The following PALM2AKAP2 variants were observed in gnomAD, a reference collection of about 807,000 sequenced individuals.
The protein encoded by PALM2AKAP2 is PALM2-AKAP2 fusion protein.
PALM2AKAP2 carries 37 observed loss-of-function variants against 71.5 expected under a neutral mutation model. That is an observed-to-expected ratio of 0.52 (90% confidence interval 0.40 to 0.68). The LOEUF is 0.68. Ranked by LOEUF, PALM2AKAP2 falls within the 30% of genes least tolerant of loss-of-function variation. PALM2AKAP2 has a pLI of 0.00. For missense variants in PALM2AKAP2, 1,224 were observed against 1,191.8 expected (o/e 1.03, Z -0.40); for synonymous variants, 468 against 478.8 (o/e 0.98, Z 0.29).
intron 1 of PALM2AKAP2, among the ~76,000 whole-genome samples, chr9:110,081,533 G>A (rs1159783888): frequency 6.6e-6 from 1 of 152,124 alleles, no homozygotes; most frequent in African/African-American, 2.4e-5. Context: ...AGGGTGTGGT[G>A]TTTTGTTTAC....
chr9:109,966,359 C>G (rs1831948827), intron 6 of PALM2AKAP2, among the ~76,000 whole-genome samples: 1 of 152,176 alleles, frequency 6.6e-6, no homozygotes, highest in Non-Finnish European at 1.5e-5. Context: ...GAAGAGGTGG[C>G]AAAGTGTTAA....
chr9:110,156,396 G>A (rs1274613718), exon 3 of PALM2AKAP2: 1 of 1,612,818 alleles, frequency 6.2e-7, no homozygotes, highest in African/African-American at 1.3e-5. Flanking sequence ...AGCCCCTGAA[G>A]AGGCTGCCGG....
At chr9:109,698,371 G>A (rs1306394546) in intron 1 of PALM2AKAP2, among the ~76,000 whole-genome samples, 1 of 149,782 alleles carries the variant, frequency 6.7e-6, no homozygotes, top group African/African-American at 2.5e-5. Flanking sequence ...TCCGCCTCTC[G>A]GGTTCAAGCG....
chr9:110,006,932 T>G (rs144874562), intron 6 of PALM2AKAP2, among the ~76,000 whole-genome samples: 1 of 152,292 alleles, frequency 6.6e-6, no homozygotes, highest in African/African-American at 2.4e-5. Flanking sequence ...CTTGGTTCAT[T>G]AACTCCAAGC....
chr9:110,003,763 G>A (rs575062834), intron 6 of PALM2AKAP2, among the ~76,000 whole-genome samples: 1 of 152,282 alleles, frequency 6.6e-6, no homozygotes, highest in Non-Finnish European at 1.5e-5. Flanking sequence ...TTGCTGAATT[G>A]ATCCCTTTAC....
chr9:109,960,056 CG>C (rs1831825203), intron 6 of PALM2AKAP2, among the ~76,000 whole-genome samples: 1 of 152,188 alleles, frequency 6.6e-6, no homozygotes, highest in African/African-American at 2.4e-5. Context: ...CCCCCCTCCG[CG>C]AAACCTTAGT....
rs547936043 is a variant in PALM2AKAP2, at chr9:110,109,273, C to T, written c.157-26854C>T. On this transcript the variant is annotated intron_variant, in intron 1 of 3. Coordinates refer to ENST00000374525, the Ensembl canonical transcript of PALM2AKAP2. ...TGGAGGTTGCGGTGAGCCGAGATCT[C>T]GCCATTGTACTCCAGCCTGGGCAAC... Among the ~76,000 whole-genome samples the T allele has an allele frequency of 7.2e-5, 10 of 139,780 alleles. No individual in the cohort carries two copies. In the East Asian group the frequency reaches 1.3e-3, roughly 18 times the overall value. The allele number at this position is 139,780 out of a possible 152,430, so 91.7% of individuals were successfully genotyped here.
At chr9:109,777,390 G>A (rs1447418518), upstream of PALM2AKAP2, among the ~76,000 whole-genome samples, 1 of 152,096 alleles carries the variant, frequency 6.6e-6, no homozygotes, top group Non-Finnish European at 1.5e-5. Context: ...TAATTTCCCT[G>A]TTGTCTAATT....
Position 110,159,740 on chromosome 9 carries a change from C to T in PALM2AKAP2, c.2748+3243C>T, listed in dbSNP as rs529011456. On this transcript the variant is annotated intron_variant, in intron 3 of 3. Coordinates refer to ENST00000374525, the Ensembl canonical transcript of PALM2AKAP2. Reference sequence around the variant, plus strand: ...AACAAGTTCAGTGTCCCCCGAGCCCCCATCAGGGGTGTGGTGGCCTCTGGG... The same window carrying T: ...AACAAGTTCAGTGTCCCCCGAGCCCTCATCAGGGGTGTGGTGGCCTCTGGG... Among the ~76,000 whole-genome samples, 66 of 152,292 alleles carry T rather than the reference C, an allele frequency of 4.3e-4. 2 individuals are homozygous for T. The highest frequency in any genetic ancestry group is 1.4e-3 in the African/African-American group (60 of 41,568).
intron 6 of PALM2AKAP2, among the ~76,000 whole-genome samples, chr9:109,996,828 T>C (rs1222112088): frequency 1.3e-5 from 2 of 152,198 alleles, no homozygotes; most frequent in Admixed American, 1.3e-4. Flanking sequence ...GTGTGTGGGT[T>C]GGCATGCGTA....
intron 1 of PALM2AKAP2, among the ~76,000 whole-genome samples, chr9:109,798,598 A>G (rs1827331070): frequency 6.6e-6 from 1 of 152,228 alleles, no homozygotes. Flanking sequence ...CTAGCCAGTT[A>G]AAAACATTGG....
At chr9:109,916,047 G>A (rs996331512) in intron 3 of PALM2AKAP2, among the ~76,000 whole-genome samples, 1 of 151,946 alleles carries the variant, frequency 6.6e-6, no homozygotes, top group African/African-American at 2.4e-5. Context: ...AGGTTCAAGC[G>A]ATTCTCCTGC....
At chr9:109,937,417 G>A (rs551487823) in intron 6 of PALM2AKAP2, among the ~76,000 whole-genome samples, 3 of 152,170 alleles carry the variant, frequency 2.0e-5, no homozygotes, top group South Asian at 2.1e-4. Flanking sequence ...AACCAAATGC[G>A]GAGGCCCAAA....
At chr9:109,667,805 A>G (rs915149110) in intron 1 of PALM2AKAP2, among the ~76,000 whole-genome samples, 26 of 152,218 alleles carry the variant, frequency 1.7e-4, no homozygotes, top group African/African-American at 6.3e-4. Flanking sequence ...ACAAATAGCA[A>G]CAACAACAAT....
At chr9:109,908,158 A>T (rs1467419133) in intron 3 of PALM2AKAP2, among the ~76,000 whole-genome samples, 1 of 152,212 alleles carries the variant, frequency 6.6e-6, no homozygotes, top group Non-Finnish European at 1.5e-5. Context: ...TTCTGCTTTC[A>T]TAGAGCAGTG....
intron 1 of PALM2AKAP2, among the ~76,000 whole-genome samples, chr9:109,773,516 T>C (rs2118771681): frequency 6.6e-6 from 1 of 152,352 alleles, no homozygotes; most frequent in African/African-American, 2.4e-5. Flanking sequence ...TATTTCACTG[T>C]AGTTCTTCAC....
At chr9:109,953,855 A>AAG (rs397963535) in intron 6 of PALM2AKAP2, among the ~76,000 whole-genome samples, 47 of 150,704 alleles carry the variant, frequency 3.1e-4, no homozygotes, top group African/African-American at 1.0e-3. Flanking sequence ...AAAAAAAAAA[A>AAG]GAAAAGAAAG....
At chr9:109,898,615 C>A (rs1004596353) in intron 3 of PALM2AKAP2, among the ~76,000 whole-genome samples, 1 of 152,112 alleles carries the variant, frequency 6.6e-6, no homozygotes. Context: ...TTAGGAGTCT[C>A]GATAAAAAAC....
At chr9:110,108,211 G>A (rs561074146) in intron 1 of PALM2AKAP2, among the ~76,000 whole-genome samples, 1 of 151,346 alleles carries the variant, frequency 6.6e-6, no homozygotes, top group Admixed American at 6.6e-5. Context: ...TGCCTCCCGG[G>A]TTCAAGTGAT....
Sources: gnomAD v4.1 joint callset for allele counts (sites outside exome capture counted in the v4.1 genomes callset) on GRCh38, gnomAD v4.1.1 for gene constraint, MANE v1.5 for transcripts, NCBI Gene and HGNC (gene_info 2026-07-23, HGNC 2026-07-21) for gene names.